The following SMIM36 variants were observed in gnomAD, a reference collection of about 807,000 sequenced individuals.
SMIM36 encodes the protein small integral membrane protein 36.
chr17:55,465,009 C>T (rs929889065), intron 4 of SMIM36, among the ~76,000 whole-genome samples: 17 of 152,102 alleles, frequency 1.1e-4, no homozygotes, highest in African/African-American at 3.9e-4. Flanking sequence ...TGATATCAGT[C>T]GACTGTGTGA....
the SMIM36 span, among the ~76,000 whole-genome samples, chr17:55,523,367 T>C: frequency 1.3e-5 from 2 of 151,906 alleles, no homozygotes; most frequent in Non-Finnish European, 2.9e-5. Flanking sequence ...CTGTCTCTAC[T>C]AAAAATACAA....
the SMIM36 span, among the ~76,000 whole-genome samples, chr17:55,520,024 G>A: frequency 6.6e-6 from 1 of 152,214 alleles, no homozygotes; most frequent in South Asian, 2.1e-4. Flanking sequence ...CAAGGTGTTG[G>A]TGAGGCTGTA....
chr17:55,476,273 C>T (rs1156265553), intron 3 of SMIM36, among the ~76,000 whole-genome samples: 2 of 152,154 alleles, frequency 1.3e-5, no homozygotes, highest in Non-Finnish European at 2.9e-5. Flanking sequence ...GACATTCCTT[C>T]TCCTGGACAG....
the SMIM36 span, among the ~76,000 whole-genome samples, chr17:55,516,765 G>T: frequency 6.6e-6 from 1 of 151,850 alleles, no homozygotes; most frequent in Non-Finnish European, 1.5e-5. Context: ...TCACCATATT[G>T]GCCAGGCTGG....
At chr17:55,483,687 T>C (rs1395664124) in intron 1 of SMIM36, among the ~76,000 whole-genome samples, 1 of 152,196 alleles carries the variant, frequency 6.6e-6, no homozygotes. Context: ...TCTTGCTCTG[T>C]ACAGTGGCAC....
At chr17:55,523,974 G>A in the SMIM36 span, among the ~76,000 whole-genome samples, 2 of 151,496 alleles carry the variant, frequency 1.3e-5, no homozygotes, top group Admixed American at 6.6e-5. Context: ...TTGTTACATA[G>A]GTGAACTCAT....
chr17:55,455,055 G>C (rs1908991873), intron 4 of SMIM36, among the ~76,000 whole-genome samples: 1 of 152,170 alleles, frequency 6.6e-6, no homozygotes, highest in East Asian at 1.9e-4. Flanking sequence ...AAGAGACATT[G>C]CTCAGTCAAA....
chr17:55,477,248 T>A (rs1909440946), intron 3 of SMIM36: 1 of 152,212 alleles, frequency 6.6e-6, no homozygotes, highest in Non-Finnish European at 1.5e-5. Context: ...GTTTCATAGT[T>A]ATGGAGGCTA....
At chr17:55,491,782 A>G (rs1909709797) in intron 1 of SMIM36, among the ~76,000 whole-genome samples, 9 of 152,206 alleles carry the variant, frequency 5.9e-5, no homozygotes, top group Admixed American at 5.9e-4. Flanking sequence ...TAGAACAGAA[A>G]TAAAGGTGCC....
chr17:55,499,707 GGAAAAA>G (rs1909874400), intron 1 of SMIM36, among the ~76,000 whole-genome samples: 1 of 152,006 alleles, frequency 6.6e-6, no homozygotes, highest in African/African-American at 2.4e-5. Context: ...AAAACATACT[GGAAAAA>G]GGGAGTCCTA....
chr17:55,514,776 G>GT (rs1257282136), upstream of SMIM36, among the ~76,000 whole-genome samples: 2 of 152,082 alleles, frequency 1.3e-5, no homozygotes, highest in African/African-American at 4.8e-5. Flanking sequence ...ACATTTTTAG[G>GT]TAAGTAGAGT....
intron 3 of SMIM36, among the ~76,000 whole-genome samples, chr17:55,475,577 ATT>A (rs1014724761): frequency 1.3e-5 from 2 of 152,166 alleles, no homozygotes; most frequent in African/African-American, 4.8e-5. Flanking sequence ...GACTGTGTAT[ATT>A]TTTAAATGTA....
At chr17:55,519,706 G>C in the SMIM36 span, among the ~76,000 whole-genome samples, 13 of 152,218 alleles carry the variant, frequency 8.5e-5, no homozygotes, top group African/African-American at 2.4e-4. Flanking sequence ...GTAAGACAAT[G>C]GTGGTCAGGA....
At chr17:55,525,581 A>G in the SMIM36 span, among the ~76,000 whole-genome samples, 9 of 152,254 alleles carry the variant, frequency 5.9e-5, no homozygotes, top group Non-Finnish European at 1.2e-4. Context: ...CATCTTCAAA[A>G]TAGATTTAAT....
In SMIM36 at chr17:55,481,082, G is replaced by GTC. The variant is rs369663083; in HGVS notation, c.*175-1504_*175-1503dup. Among the ~76,000 whole-genome samples, 127 of 149,152 alleles carry GTC rather than the reference G, an allele frequency of 8.5e-4. 3 individuals carry two copies. The South Asian group carries it at 0.024, about 28-fold the overall frequency. Reference sequence around the variant, plus strand: ...TTTCTGTCTCTGTCTCCCTGTCTCTGTCTCTCTCTCTCTCTCCCTCTCTCT... The same window carrying GTC: ...TTTCTGTCTCTGTCTCCCTGTCTCTGTCTCTCTCTCTCTCTCTCCCTCTCTCT... On this transcript the variant is annotated intron_variant, in intron 1 of 4. Transcript: ENST00000636752.
chr17:55,462,024 CT>C (rs2143241548), intron 4 of SMIM36, among the ~76,000 whole-genome samples: 1 of 152,184 alleles, frequency 6.6e-6, no homozygotes, highest in African/African-American at 2.4e-5. Flanking sequence ...TTCTGGGTAA[CT>C]TGTTAAGAAG....
chr17:55,492,242 C>CTTTTTTTTTT (rs770501215), intron 1 of SMIM36, among the ~76,000 whole-genome samples: 12 of 111,286 alleles, frequency 1.1e-4, no homozygotes, highest in Non-Finnish European at 1.8e-4. Context: ...TTCTTTCTTT[C>CTTTTTTTTTT]TTTTTTTTTT....
At chr17:55,492,142 G>C (rs1909717100) in intron 1 of SMIM36, among the ~76,000 whole-genome samples, 1 of 146,512 alleles carries the variant, frequency 6.8e-6, no homozygotes, top group African/African-American at 2.6e-5. Flanking sequence ...CTGGGCAACA[G>C]AGTGAGAAAC....
At chr17:55,493,013 T>G (rs1409565763) in intron 1 of SMIM36, among the ~76,000 whole-genome samples, 1 of 152,180 alleles carries the variant, frequency 6.6e-6, no homozygotes, top group Non-Finnish European at 1.5e-5. Context: ...ACTTGAAATG[T>G]CAGATGGAAA....
Sources: gnomAD v4.1 joint callset for allele counts (sites outside exome capture counted in the v4.1 genomes callset) on GRCh38, gnomAD v4.1.1 for gene constraint, MANE v1.5 for transcripts, NCBI Gene and HGNC (gene_info 2026-07-23, HGNC 2026-07-21) for gene names.